The following CHL1 variants were observed in gnomAD, a reference collection of about 807,000 sequenced individuals.
CHL1 encodes neural cell adhesion molecule L1-like protein.
Under a neutral mutation model 141.9 loss-of-function variants are expected in CHL1, and 96 were observed. That is an observed-to-expected ratio of 0.68 (90% CI 0.57 to 0.80). The LOEUF (loss-of-function observed/expected upper bound fraction) is 0.80. Ranked by LOEUF, CHL1 falls within the 30% of genes least tolerant of loss-of-function variation. The pLI is 0.00. For synonymous variants in CHL1, 613 were observed against 502.2 expected (o/e 1.22, Z -2.95); for missense variants, 1,820 against 1,457.2 (o/e 1.25, Z -4.05).
chr3:274,848 G>A (rs1311196840), intron 2 of CHL1, among the ~76,000 whole-genome samples: 2 of 152,090 alleles, frequency 1.3e-5, no homozygotes, highest in Non-Finnish European at 2.9e-5. Flanking sequence ...AAATATTATT[G>A]ATGTCTTATT....
intron 2 of CHL1, among the ~76,000 whole-genome samples, chr3:268,325 C>T (rs940738421): frequency 1.6e-4 from 24 of 151,926 alleles, no homozygotes; most frequent in African/African-American, 4.8e-4. Flanking sequence ...TTTGAGGTCA[C>T]GAGTTTGAGA....
intron 9 of CHL1, among the ~76,000 whole-genome samples, chr3:347,155 C>T (rs1290442671): frequency 1.3e-5 from 2 of 151,982 alleles, no homozygotes; most frequent in Non-Finnish European, 2.9e-5. Context: ...ATGTGCACTG[C>T]TCAAATAGTT....
intron 2 of CHL1, among the ~76,000 whole-genome samples, chr3:254,213 T>C (rs748140938): frequency 5.9e-5 from 9 of 152,222 alleles, no homozygotes; most frequent in Non-Finnish European, 1.0e-4. Flanking sequence ...ATCTAATGCC[T>C]ATAAAGGCCC....
At chr3:201,508 G>T (rs1052518101) in intron 1 of CHL1, among the ~76,000 whole-genome samples, 5 of 152,128 alleles carry the variant, frequency 3.3e-5, no homozygotes, top group Non-Finnish European at 7.4e-5. Flanking sequence ...GAGTGTATAT[G>T]TGTATGTGTG....
At chr3:249,864 G>A (rs1460660362) in intron 2 of CHL1, among the ~76,000 whole-genome samples, 2 of 151,978 alleles carry the variant, frequency 1.3e-5, no homozygotes, top group Non-Finnish European at 2.9e-5. Flanking sequence ...AACTCTGTAT[G>A]AATATTATAT....
intron 1 of CHL1, among the ~76,000 whole-genome samples, chr3:237,671 T>G (rs1692125765): frequency 6.6e-6 from 1 of 152,218 alleles, no homozygotes; most frequent in African/African-American, 2.4e-5. Flanking sequence ...CCTAACTTAA[T>G]TGAATTCGTT....
At chr3:389,144 A>G (rs1049680067) in intron 19 of CHL1, 108 bp from the exon 20 acceptor site, 5 of 882,696 alleles carry the variant, frequency 5.7e-6, no homozygotes, top group Admixed American at 2.5e-5. Flanking sequence ...TCTCTCAACA[A>G]ATGACCATTT....
Position 354,686 on chromosome 3 carries a change from C to T in CHL1, c.1080C>T (p.Thr360=), listed in dbSNP as rs756660326. 28 of 1,613,958 alleles carry T rather than the reference C, an allele frequency of 1.7e-5. No homozygotes were observed. In the South Asian group the frequency reaches 2.7e-4, roughly 16 times the overall value. ...TKKPQSAVYS[T]GSNGILLCEA... is the part of the protein sequence containing the mutation. ...AGCCTCAGAGTGCTGTGTATAGCAC[C>T]GGAAGCAATGGCATCTTGTTATGTG... The change falls in exon 11 of 28, where the codon ACC becomes ACT. Residue 360 remains threonine, a synonymous_variant. Transcript: ENST00000256509.
intron 20 of CHL1, 33 bp downstream of exon 20, chr3:389,507 C>G (rs1258443801): frequency 2.7e-6 from 4 of 1,501,290 alleles, no homozygotes; most frequent in Non-Finnish European, 3.7e-6. Context: ...CTAAGCACGT[C>G]AGTAACTGTT....
intron 27 of CHL1, among the ~76,000 whole-genome samples, chr3:403,921 C>T (rs189870255): frequency 6.6e-6 from 1 of 152,226 alleles, no homozygotes; most frequent in Non-Finnish European, 1.5e-5. Flanking sequence ...TTCCTGATTC[C>T]TCAGCCGATG....
intron 11 of CHL1, among the ~76,000 whole-genome samples, chr3:355,686 C>G (rs939487442): frequency 6.6e-6 from 1 of 152,130 alleles, no homozygotes; most frequent in African/African-American, 2.4e-5. Flanking sequence ...CCAGCTGTTT[C>G]ATCTTGAGGT....
At position 265,355 on chromosome 3, in the gene CHL1, G is replaced by A. The variant is rs140685114; in HGVS notation, c.-95+20663G>A. On this transcript the variant is annotated intron_variant, in intron 2 of 27. Transcript: ENST00000256509. ...AGTGCTTAGAGTGCACAGACTAAAT[G>A]TTCAATTTGCTATAACATTTCTATA... Among the ~76,000 whole-genome samples the A allele has an allele frequency of 9.4e-3, 1,428 of 152,272 alleles. 13 individuals are homozygous for A. Among genetic ancestry groups the A allele is most frequent in the South Asian group, 0.019 (90 of 4,828 alleles).
intron 3 of CHL1, among the ~76,000 whole-genome samples, chr3:322,578 G>C (rs1433120819): frequency 6.8e-6 from 1 of 147,810 alleles, no homozygotes; most frequent in African/African-American, 2.5e-5. Context: ...GAGGCTTGAG[G>C]TCAGGAGTTC....
intron 2 of CHL1, among the ~76,000 whole-genome samples, chr3:263,236 T>G (rs1397222553): frequency 6.6e-6 from 1 of 152,114 alleles, no homozygotes; most frequent in Admixed American, 6.5e-5. Context: ...ATTTAGCAAG[T>G]GAACTCCTTG....
rs1490056210 is a variant in CHL1, at chr3:350,480, A to T, written c.1033+937A>T. ...GTAAGCTTAGCTACTGAAAGGAATT[A>T]TTCTTTTTAGACTACAATTTAGTGA... On this transcript the variant is annotated intron_variant, in intron 10 of 27. Transcript: ENST00000256509. Among the ~76,000 whole-genome samples, 4 of 152,314 alleles carry T rather than the reference A, an allele frequency of 2.6e-5. No individual in the cohort carries two copies. In the East Asian group the frequency reaches 7.7e-4, roughly 29 times the overall value.
At chr3:331,686 A>G (rs1350201527) in intron 5 of CHL1, among the ~76,000 whole-genome samples, 3 of 152,228 alleles carry the variant, frequency 2.0e-5, no homozygotes, top group Non-Finnish European at 4.4e-5. Context: ...TCAGATAAAA[A>G]TTATTGATAA....
rs981768374 is a variant in CHL1 at position 408,754 on chromosome 3, G to C, written c.*3043G>C. 1 of 151,872 alleles carries C rather than the reference G, an allele frequency of 6.6e-6. No individual in the cohort carries two copies. The highest frequency in any genetic ancestry group is 2.4e-5 in the African/African-American group (1 of 41,354). 9.4% of individuals were successfully genotyped at this position (151,872 alleles called of 1,614,324 possible). On this transcript the variant is annotated 3_prime_UTR_variant, in exon 28 of 28. Coordinates refer to ENST00000256509, the MANE Select transcript of CHL1 (RefSeq NM_006614.4). Reference sequence around the variant, plus strand: ...TATTAATCAGAAGAAAATTAAGCAGGGTCTTTGCTATACAAAAGTGTTTTC... The same window carrying C: ...TATTAATCAGAAGAAAATTAAGCAGCGTCTTTGCTATACAAAAGTGTTTTC...
At chr3:215,220 T>C (rs1025718249) in intron 1 of CHL1, among the ~76,000 whole-genome samples, 4 of 152,190 alleles carry the variant, frequency 2.6e-5, no homozygotes, top group Non-Finnish European at 5.9e-5. Flanking sequence ...CACAATTGAA[T>C]AGTACTCAGC....
At chr3:364,663 A>T (rs1009916495) in intron 14 of CHL1, among the ~76,000 whole-genome samples, 1 of 152,156 alleles carries the variant, frequency 6.6e-6, no homozygotes, top group African/African-American at 2.4e-5. Flanking sequence ...TACAAAAGGC[A>T]TGTTGAGAAT....
Sources: allele counts gnomAD v4.1 joint callset (sites outside exome capture counted in the v4.1 genomes callset), GRCh38; gene constraint gnomAD v4.1.1; transcripts MANE v1.5; gene names NCBI Gene and HGNC (gene_info 2026-07-23, HGNC 2026-07-21).